WDR26: variants seen among roughly 807,000 people sequenced by gnomAD.
WDR26 encodes WD repeat domain 26, also known as WD repeat-containing protein 26.
A neutral mutation model predicts 84.1 loss-of-function variants in WDR26; 5 were observed. That is an observed-to-expected ratio of 0.06 (90% CI 0.03 to 0.13). The LOEUF is 0.13. Among genes scored for constraint, WDR26 ranks in the 10% least tolerant of loss-of-function variants. WDR26 has a pLI of 1.00. For missense variants in WDR26, 642 were observed against 974.9 expected (o/e 0.66, Z 4.55); for synonymous variants, 415 against 389.6 (o/e 1.07, Z -0.77).
intron 8 of WDR26, among the ~76,000 whole-genome samples, chr1:224,402,871 A>G (rs1673454155): frequency 6.6e-6 from 1 of 152,150 alleles, no homozygotes. Flanking sequence ...TTTTGGGAAC[A>G]ATTGTGGATT....
In WDR26 at chr1:224,434,159, C is replaced by T. The variant is rs1674522815; in HGVS notation, c.247G>A (p.Ala83Thr). 7.1e-6 allele frequency: 10 copies of T among 1,417,292 alleles called. No individual in the cohort carries two copies. In the South Asian group the frequency reaches 1.4e-4, roughly 20 times the overall value. 87.8% of individuals were successfully genotyped at this position (1,417,292 alleles called of 1,614,324 possible). ...CTACTTCGGTGGGGGACAGCAGCGG[C>T]GGCGGGAGGGGCAGCAGCCGGGGGA... Residue 83 changes from alanine (A) to threonine (T), a missense_variant, in exon 1 of 14, where the codon GCC becomes ACC. By Grantham distance (58) the Ala-to-Thr change is moderately conservative. Around this residue, in one of 2 missense-constraint regions of WDR26, gnomAD observed 291 missense variants for 302.1 expected, o/e 0.96. Transcript: ENST00000414423.
chr1:224,389,873 A>G lies in WDR26; in HGVS notation c.2261-13T>C. On this transcript the variant is annotated splice_polypyrimidine_tract_variant and intron_variant, in intron 13 of 13. Transcript: ENST00000414423. ...CTACTGCATTCCTCTGAATGAAGAC[A>G]AGATGAAATGTATGGGGGGCGGGCG... The G allele has an allele frequency of 9.3e-7, 1 of 1,077,134 alleles. No individual in the cohort carries two copies. The highest frequency in any genetic ancestry group is 1.3e-6 in the Non-Finnish European group (1 of 797,464). The allele number at this position is 1,077,134 out of a possible 1,614,324, so 66.7% of individuals were successfully genotyped here. A position where few individuals can be genotyped will look rare whatever the true frequency, so the allele number is the denominator to read the frequency against.
At chr1:224,425,452 C>T (rs1674182855) in intron 3 of WDR26, among the ~76,000 whole-genome samples, 1 of 152,204 alleles carries the variant, frequency 6.6e-6, no homozygotes, top group Non-Finnish European at 1.5e-5. Context: ...CTTTTCTCCC[C>T]TAAACCAATA....
chr1:224,409,658 T>C (rs2102903354), intron 7 of WDR26, among the ~76,000 whole-genome samples: 1 of 152,018 alleles, frequency 6.6e-6, no homozygotes, highest in South Asian at 2.1e-4. Context: ...GTCAGGAATA[T>C]GATACCAGCC....
chr1:224,389,683 T>G lies in WDR26; in HGVS notation c.*152A>C, dbSNP rs529745523. ...TGGTTACTATGAAGCAAGGTGTAAA[T>G]GTTTGGCCCCAATCGGGCTTCAGAA... is the stretch of plus-strand genomic sequence containing the variant. On this transcript the variant is annotated 3_prime_UTR_variant, in exon 14 of 14. Coordinates refer to ENST00000414423, the MANE Select transcript of WDR26 (RefSeq NM_001379403.1). 6 of 766,066 alleles carry G rather than the reference T, an allele frequency of 7.8e-6. No individual in the cohort carries two copies. In the East Asian group the frequency reaches 1.6e-4, roughly 20 times the overall value. The allele number at this position is 766,066 out of a possible 1,614,324, so 47.5% of individuals were successfully genotyped here. A position where few individuals can be genotyped will look rare whatever the true frequency, so the allele number is the denominator to read the frequency against.
chr1:224,413,209 C>A lies in WDR26; in HGVS notation c.1320-1644G>T, dbSNP rs28482381. On this transcript the variant is annotated intron_variant, in intron 6 of 13. Transcript: ENST00000414423. ...CTCAAACAACAACAACAACAAAAAC[C>A]CCCCCCCCCAAAAAAAACGTTATTT... 1,521 of 636,068 alleles carry A rather than the reference C, an allele frequency of 2.4e-3. 40 individuals are homozygous for A. The highest frequency in any genetic ancestry group is 3.1e-3 in the South Asian group (81 of 25,736). 39.4% of individuals were successfully genotyped at this position (636,068 alleles called of 1,614,324 possible).
At chr1:224,398,859 T>C in intron 10 of WDR26, 30 bp downstream of exon 10, 1 of 1,610,658 alleles carries the variant, frequency 6.2e-7, no homozygotes, top group Admixed American at 1.7e-5. Context: ...ATCAGGTAAT[T>C]GTTGTTTAAT....
chr1:224,403,311 A>G (rs554905752), intron 8 of WDR26, among the ~76,000 whole-genome samples: 54 of 152,284 alleles, frequency 3.5e-4, no homozygotes, highest in African/African-American at 1.1e-3. Flanking sequence ...CGGCCTCCCC[A>G]AGTGCTGGGA....
intron 13 of WDR26, among the ~76,000 whole-genome samples, chr1:224,390,607 T>TC (rs1272836863): frequency 6.6e-6 from 1 of 152,158 alleles, no homozygotes. Context: ...ATCATCCTAC[T>TC]CCATTTTTTT....
chr1:224,433,888 C>A lies in WDR26; in HGVS notation c.518G>T (p.Ser173Ile). ...GGGAACCCCGTTATTGACATTCAGGCTGTTGCTATTGTTGCTGGCGGCGGA... is the reference window on the plus strand; with the variant it reads ...GGGAACCCCGTTATTGACATTCAGGATGTTGCTATTGTTGCTGGCGGCGGA... Residue 173 changes from serine (S) to isoleucine (I), a missense_variant, in exon 1 of 14, where the codon AGC becomes ATC. Physicochemically the swap from Ser to Ile is moderately radical, Grantham distance 142. Coordinates refer to ENST00000414423, the MANE Select transcript of WDR26 (RefSeq NM_001379403.1). 3 of 1,536,954 alleles carry A rather than the reference C, an allele frequency of 2.0e-6. No homozygotes were observed. The highest frequency in any genetic ancestry group is 2.6e-6 in the Non-Finnish European group (3 of 1,146,778).
intron 3 of WDR26, among the ~76,000 whole-genome samples, chr1:224,427,103 C>CTAAAAAAAAAAAAA (rs769063024): frequency 1.1e-5 from 1 of 91,164 alleles, no homozygotes. Context: ...AACTCTGTCT[C>CTAAAAAAAAAAAAA]CAAAAAAAAA....
chr1:224,409,160 T>TTA (rs1461440050), intron 7 of WDR26, among the ~76,000 whole-genome samples: 1 of 152,184 alleles, frequency 6.6e-6, no homozygotes, highest in Admixed American at 6.5e-5. Flanking sequence ...TCATATCATA[T>TTA]TATAGTTGTT....
Position 224,431,750 on chromosome 1 carries a change from C to T in WDR26, c.754G>A (p.Gly252Arg). ...GCAGAAGGATGTTCTAAACGACATCCTGACTCTTGCATGAGGAGATCAACA... is the reference window on the plus strand; with the variant it reads ...GCAGAAGGATGTTCTAAACGACATCTTGACTCTTGCATGAGGAGATCAACA... Residue 252 changes from glycine (G) to arginine (R), a missense_variant, in exon 2 of 14, where the codon GGA becomes AGA. Coordinates refer to ENST00000414423, the MANE Select transcript of WDR26 (RefSeq NM_001379403.1). 6.2e-7 allele frequency: 1 copy of T among 1,613,792 alleles called. No homozygotes were observed. Among genetic ancestry groups the T allele is most frequent in the Non-Finnish European group, 8.5e-7 (1 of 1,179,788 alleles).
intron 11 of WDR26, 58 bp downstream of exon 11, chr1:224,398,457 G>A: frequency 6.9e-7 from 1 of 1,441,012 alleles, no homozygotes; most frequent in South Asian, 1.3e-5. Context: ...GAAAATAACA[G>A]TTAAAATAAA....
At chr1:224,393,688 T>C (rs1365225778) in intron 13 of WDR26, 140 bp downstream of exon 13, 6 of 635,396 alleles carry the variant, frequency 9.4e-6, no homozygotes, top group Non-Finnish European at 1.4e-5. Context: ...TTCTGTGGCC[T>C]GAGATAGGGT....
Position 224,393,862 on chromosome 1 carries a change from T to C in WDR26, c.2226A>G (p.Gly742=). ...TCTGGTGGTCTATAAAAGGTGCTGG[T>C]CCCCATATTCTAACAGTGCCATCAT... Residue 742 remains glycine (G), a synonymous_variant, in exon 13 of 14, where the codon GGA becomes GGG. Transcript: ENST00000414423. 1 of 1,570,688 alleles carries C rather than the reference T, an allele frequency of 6.4e-7. No individual in the cohort carries two copies. The highest frequency in any genetic ancestry group is 8.7e-7 in the Non-Finnish European group (1 of 1,146,702).
chr1:224,407,122 TAA>T (rs1158264938), intron 7 of WDR26, among the ~76,000 whole-genome samples: 43 of 11,672 alleles, frequency 3.7e-3, no homozygotes, highest in South Asian at 0.017. Context: ...ACTCTGTCTT[TAA>T]AAAAAAAAAA....
chr1:224,419,478 T>G (rs1336266313), intron 5 of WDR26, 40 bp downstream of exon 5: 1 of 1,458,048 alleles, frequency 6.9e-7, no homozygotes. Flanking sequence ...ATTTGTAATC[T>G]AAGAGAAAAC....
intron 13 of WDR26, among the ~76,000 whole-genome samples, chr1:224,392,449 T>C (rs1189522234): frequency 6.6e-6 from 1 of 152,224 alleles, no homozygotes; most frequent in Non-Finnish European, 1.5e-5. Context: ...CAAGTATGTT[T>C]ATTTGAAGAA....
Sources: gnomAD v4.1 joint callset for allele counts (sites outside exome capture counted in the v4.1 genomes callset) on GRCh38, gnomAD v4.1.1 for gene constraint, gnomAD v4.1.1 regional missense constraint, MANE v1.5 for transcripts, NCBI Gene and HGNC (gene_info 2026-07-23, HGNC 2026-07-21) for gene names.